SUSD5: variants seen among roughly 807,000 people sequenced by gnomAD.
SUSD5 encodes sushi domain-containing protein 5.
Under a neutral mutation model 29.5 loss-of-function variants are expected in SUSD5, and 33 were observed. The observed-to-expected ratio is 1.12, with a 90% CI of 0.85 to 1.49. The LOEUF (loss-of-function observed/expected upper bound fraction) is 1.49, where lower values mean the gene tolerates loss of function less well. Among genes scored for constraint, SUSD5 ranks in the 40% most tolerant of loss-of-function variants. The probability of loss-of-function intolerance (pLI) is 0.00; values close to 1 mark genes in which losing one functional copy is unlikely to be tolerated. For synonymous variants in SUSD5, 308 were observed against 325.3 expected, an observed-to-expected ratio of 0.95 and a Z score of 0.57; for missense variants, 776 against 800.6, an observed-to-expected ratio of 0.97 and a Z score of 0.37.
At chr3:33,172,395 A>G (rs1225537033) in intron 4 of SUSD5, among the ~76,000 whole-genome samples, 1 of 152,246 alleles carries the variant, frequency 6.6e-6, no homozygotes, top group Non-Finnish European at 1.5e-5. Context: ...ACCTGCATTT[A>G]GTGCTCATTC....
At chr3:33,214,140 C>T (rs754565474) in intron 1 of SUSD5, 35 bp from the exon 2 acceptor site, 8 of 1,551,752 alleles carry the variant, frequency 5.2e-6, no homozygotes, top group Admixed American at 3.8e-5. Context: ...ATGTGGATTT[C>T]AGGATCCATG....
At chr3:33,202,062 GTCTA>G (rs1199564928) in intron 3 of SUSD5, among the ~76,000 whole-genome samples, 34 of 38,978 alleles carry the variant, frequency 8.7e-4, no homozygotes, top group African/African-American at 1.6e-3. Flanking sequence ...CTATCTATCT[GTCTA>G]TCTATCTATC....
chr3:33,185,583 T>C (rs1365333178), intron 3 of SUSD5, among the ~76,000 whole-genome samples: 2 of 152,252 alleles, frequency 1.3e-5, no homozygotes, highest in Non-Finnish European at 2.9e-5. Context: ...GACAGCAGTT[T>C]GCCCTGTGAC....
rs1011870049 is a variant in SUSD5, at chr3:33,157,115, T to C, written c.599-3082A>G. 3.9e-5 allele frequency among the ~76,000 whole-genome samples: 6 copies of C among 152,334 alleles called. No individual in the cohort carries two copies. In the South Asian group the frequency reaches 8.3e-4, roughly 21 times the overall value. On this transcript the variant is annotated intron_variant, in intron 4 of 4. Transcript: ENST00000309558. ...GTCAGGCCCTTCACATTCCCTGTTA[T>C]ATCCTCATTTCAAAACCTGCACTGA... is the stretch of plus-strand genomic sequence containing the variant.
At chr3:33,211,537 T>C (rs948473874) in intron 2 of SUSD5, among the ~76,000 whole-genome samples, 2 of 152,242 alleles carry the variant, frequency 1.3e-5, no homozygotes, top group African/African-American at 4.8e-5. Context: ...GCTTTGGATG[T>C]AGCCTCAGTT....
At chr3:33,162,120 G>T (rs2031202099) in intron 4 of SUSD5, among the ~76,000 whole-genome samples, 1 of 152,126 alleles carries the variant, frequency 6.6e-6, no homozygotes, top group Non-Finnish European at 1.5e-5. Flanking sequence ...ACATTTTCTG[G>T]TCATAGTGAG....
chr3:33,164,392 T>C (rs1385335653), intron 4 of SUSD5, among the ~76,000 whole-genome samples: 1 of 152,176 alleles, frequency 6.6e-6, no homozygotes, highest in African/African-American at 2.4e-5. Context: ...ATTTACATGA[T>C]GAAAAAGTTA....
intron 3 of SUSD5, among the ~76,000 whole-genome samples, chr3:33,199,077 T>C (rs967315435): frequency 1.3e-5 from 2 of 152,054 alleles, no homozygotes; most frequent in Non-Finnish European, 2.9e-5. Flanking sequence ...AGAAATGCAA[T>C]AATGCATGCG....
intron 3 of SUSD5, among the ~76,000 whole-genome samples, chr3:33,200,273 A>G (rs578016094): frequency 3.3e-4 from 50 of 152,360 alleles, no homozygotes; most frequent in Non-Finnish European, 6.6e-4. Flanking sequence ...CCCAGCCTCC[A>G]GAACTGTGAG....
intron 3 of SUSD5, among the ~76,000 whole-genome samples, chr3:33,180,223 GTCTTACTGCCCCTGAAGACTT>G (rs2031639516): frequency 6.6e-6 from 1 of 152,162 alleles, no homozygotes; most frequent in South Asian, 2.1e-4. Flanking sequence ...AGCTCCATGT[GTCTTACTGCCCCTGAAGACTT>G]TCTACTGGGA....
rs1293726823 is a variant in SUSD5, at chr3:33,167,179, C to CA, written c.598+7706dup. On this transcript the variant is annotated intron_variant, in intron 4 of 4. Transcript: ENST00000309558. This position sits in a 1 kb window ranked among gnomAD's most constrained non-coding sequence, Gnocchi z 4.1. ...GGGCAACAAGAGCGAGACTCCATCT[C>CA]AAAAAAATATATATATATATAAATA... is the stretch of plus-strand genomic sequence containing the variant. 3.9e-4 allele frequency among the ~76,000 whole-genome samples: 58 copies of CA among 148,804 alleles called. No homozygotes were observed. The highest frequency in any genetic ancestry group is 6.9e-4 in the African/African-American group (28 of 40,640).
chr3:33,195,944 C>A (rs4352334), intron 3 of SUSD5, among the ~76,000 whole-genome samples: 110,480 of 152,060 alleles, frequency 0.73, 40,306 homozygotes, highest in East Asian at 0.83. Flanking sequence ...AAAATCTATT[C>A]TAATTGTAAA....
chr3:33,162,198 T>C (rs1184227417), intron 4 of SUSD5, among the ~76,000 whole-genome samples: 1 of 152,174 alleles, frequency 6.6e-6, no homozygotes, highest in African/African-American at 2.4e-5. Flanking sequence ...CATGTCTAAA[T>C]AACTCATGGC....
intron 3 of SUSD5, among the ~76,000 whole-genome samples, chr3:33,182,595 C>T (rs1217761853): frequency 2.6e-5 from 4 of 152,158 alleles, no homozygotes; most frequent in Admixed American, 6.5e-5. Context: ...TGTATTTTGG[C>T]ATCCTGTTGT....
At position 33,218,717 on chromosome 3, in the gene SUSD5, G is replaced by C. The variant is rs373448291; in HGVS notation, c.81C>G (p.Leu27=). The C allele has an allele frequency of 7.5e-7, 1 of 1,337,100 alleles. No homozygotes were observed. Among genetic ancestry groups the C allele is most frequent in the Admixed American group, 4.1e-5 (1 of 24,674 alleles). The allele number at this position is 1,337,100 out of a possible 1,614,324, so 82.8% of individuals were successfully genotyped here. Residue 27 remains leucine, a synonymous_variant, in exon 1 of 5, where the codon CTC becomes CTG. Transcript: ENST00000309558. ...PGLWAAALLL[L]GLPRLSVRAD... ...CCCGCACCGAAAGGCGCGGCAGACC[G>C]AGCAGGAGCAGCGCCGCCGCCCAGA... is the stretch of plus-strand genomic sequence containing the variant.
At chr3:33,160,197 ACTT>A (rs1230296893) in intron 4 of SUSD5, among the ~76,000 whole-genome samples, 3 of 152,044 alleles carry the variant, frequency 2.0e-5, no homozygotes, top group Non-Finnish European at 4.4e-5. Flanking sequence ...CTTGTCTTGA[ACTT>A]CTGGTCTCAA....
At chr3:33,154,297 T>TCCCAAA (rs2030999175) in intron 4 of SUSD5, among the ~76,000 whole-genome samples, 4 of 152,058 alleles carry the variant, frequency 2.6e-5, no homozygotes, top group African/African-American at 9.7e-5. Context: ...CCTAGGCAGG[T>TCCCAAA]GGATCACTTG....
At position 33,151,501 on chromosome 3, in the gene SUSD5, ATGTGCCCATAC is replaced by A. The variant is rs1329393212; in HGVS notation, c.*1230_*1240del. 3.3e-5 allele frequency: 5 copies of A among 152,076 alleles called. No homozygotes were observed. Among genetic ancestry groups the A allele is most frequent in the Non-Finnish European group, 7.4e-5 (5 of 68,024 alleles). The allele number at this position is 152,076 out of a possible 1,614,324, so 9.4% of individuals were successfully genotyped here. A position where few individuals can be genotyped will look rare whatever the true frequency, so the allele number is the denominator to read the frequency against. On this transcript the variant is annotated 3_prime_UTR_variant, in exon 5 of 5. Transcript: ENST00000309558. ...AGATTCTTCTGCTTCTCCATCAAGTATGTGCCCATACTTGATAACCTGGTGTTCGGCCCTCT... is the reference window on the plus strand; with the variant it reads ...AGATTCTTCTGCTTCTCCATCAAGTATTGATAACCTGGTGTTCGGCCCTCT...
intron 3 of SUSD5, among the ~76,000 whole-genome samples, chr3:33,197,115 C>G (rs529019286): frequency 2.0e-5 from 3 of 152,232 alleles, no homozygotes; most frequent in African/African-American, 7.2e-5. Context: ...AGAGCTGCAG[C>G]CTCAGGGTCA....
Sources: gnomAD v4.1 joint callset for allele counts (sites outside exome capture counted in the v4.1 genomes callset) on GRCh38, gnomAD v4.1.1 for gene constraint, Gnocchi (gnomAD v3.1) non-coding constraint, MANE v1.5 for transcripts, NCBI Gene and HGNC (gene_info 2026-07-23, HGNC 2026-07-21) for gene names.